DLAT: variants seen among roughly 807,000 people sequenced by gnomAD.
DLAT encodes the protein dihydrolipoamide S-acetyltransferase.
A neutral mutation model predicts 68.0 loss-of-function variants in DLAT; 43 were observed. The observed-to-expected ratio is 0.63, with a 90% confidence interval of 0.50 to 0.81. The LOEUF is 0.81. DLAT is among the 40% of genes least tolerant of loss of function. DLAT has a pLI of 0.00. For synonymous variants in DLAT, 265 were observed against 288.6 expected, an observed-to-expected ratio of 0.92 and a Z score of 0.83; for missense variants, 745 against 815.4, an observed-to-expected ratio of 0.91 and a Z score of 1.05.
intron 11 of DLAT, among the ~76,000 whole-genome samples, chr11:112,055,041 G>C (rs1555182339): frequency 6.6e-6 from 1 of 152,008 alleles, no homozygotes; most frequent in Non-Finnish European, 1.5e-5. Context: ...TTCCAAATAA[G>C]GTCACATTGA....
chr11:112,028,395 G>A, intron 2 of DLAT, 120 bp from the exon 3 acceptor site: 1 of 1,199,568 alleles, frequency 8.3e-7, no homozygotes, highest in Admixed American at 2.1e-5. Context: ...CTCCAGCCTT[G>A]GTGACAGAAT....
chr11:112,050,822 C>T (rs976435262), intron 10 of DLAT, among the ~76,000 whole-genome samples: 1 of 152,132 alleles, frequency 6.6e-6, no homozygotes, highest in Admixed American at 6.6e-5. Flanking sequence ...AAAATGATGA[C>T]ATAACATACT....
chr11:112,036,968 A>T, intron 5 of DLAT: 1 of 358,034 alleles, frequency 2.8e-6, no homozygotes, highest in Non-Finnish European at 5.1e-6. Flanking sequence ...GTAATCTTTC[A>T]TAGTTTTATT....
chr11:112,039,486 C>T (rs1310634652), intron 7 of DLAT, 89 bp downstream of exon 7: 30 of 1,314,076 alleles, frequency 2.3e-5, no homozygotes, highest in Middle Eastern at 4.7e-4. Flanking sequence ...TATGTATAGC[C>T]GTACTTATAA....
At chr11:112,026,092 G>A in intron 1 of DLAT, 106 bp from the exon 2 acceptor site, 1 of 947,054 alleles carries the variant, frequency 1.1e-6, no homozygotes, top group Non-Finnish European at 1.7e-6. Context: ...AATGTGCAAT[G>A]GAACTGTATA....
intron 13 of DLAT, 136 bp downstream of exon 13, chr11:112,061,310 A>C: frequency 1.2e-6 from 1 of 846,182 alleles, no homozygotes; most frequent in Admixed American, 1.9e-5. Flanking sequence ...CCCTGATATG[A>C]TATGATGTAA....
At chr11:112,056,243 G>T (rs1864066492) in intron 11 of DLAT, among the ~76,000 whole-genome samples, 1 of 151,962 alleles carries the variant, frequency 6.6e-6, no homozygotes, top group African/African-American at 2.4e-5. Flanking sequence ...ACAATTTCTT[G>T]ATTTTTGTTA....
chr11:112,030,368 G>T (rs1862327711), intron 4 of DLAT: 1 of 436,340 alleles, frequency 2.3e-6, no homozygotes. Flanking sequence ...CCACCACCAT[G>T]GCTCTGACCC....
rs1555180608 is a variant in DLAT at position 112,037,402 on chromosome 11, A to G, written c.917A>G (p.Tyr306Cys). 2.5e-6 allele frequency: 4 copies of G among 1,614,244 alleles called. No homozygotes were observed. Among genetic ancestry groups the G allele is most frequent in the African/African-American group, 1.3e-5 (1 of 75,052 alleles). ...KEADISAFAD[Y>C]RPTEVTDLKP... ...GCAGATATATCAGCATTTGCTGACT[A>G]TAGGCCAACCGAAGTAACAGATTTA... The change falls in exon 6 of 14, where the codon TAT (tyrosine) becomes TGT (cysteine). Residue 306 changes from tyrosine to cysteine, a missense_variant. Transcript: ENST00000280346.
At chr11:112,030,506 GTGA>G (rs1742888219) in intron 4 of DLAT, 1 of 245,978 alleles carries the variant, frequency 4.1e-6, no homozygotes, top group South Asian at 5.2e-5. Context: ...TTGACATGTG[GTGA>G]TCTATTTTCC....
intron 13 of DLAT, 132 bp downstream of exon 13, chr11:112,061,306 T>A (rs1864606494): frequency 1.1e-6 from 1 of 889,324 alleles, no homozygotes; most frequent in African/African-American, 1.7e-5. Flanking sequence ...AAGTCCCTGA[T>A]ATGATATGAT....
chr11:112,031,059 A>G (rs1555179916), intron 4 of DLAT, among the ~76,000 whole-genome samples: 2 of 152,180 alleles, frequency 1.3e-5, no homozygotes. Context: ...TGAATCTCTG[A>G]TAGTATTCTT....
At chr11:112,053,274 A>C (rs782002506) in intron 11 of DLAT, among the ~76,000 whole-genome samples, 15 of 151,994 alleles carry the variant, frequency 9.9e-5, no homozygotes, top group Non-Finnish European at 2.1e-4. Context: ...GTGAACTGAG[A>C]TTGTGCCATT....
At chr11:112,032,280 T>G (rs1445510847) in intron 4 of DLAT, among the ~76,000 whole-genome samples, 1 of 151,412 alleles carries the variant, frequency 6.6e-6, no homozygotes, top group South Asian at 2.1e-4. Context: ...AAAAAAAAAA[T>G]TATCAAATAA....
At position 112,039,489 on chromosome 11, in the gene DLAT, A is replaced by G. The variant is rs975266755; in HGVS notation, c.1129+92A>G. The G allele has an allele frequency of 1.0e-5, 13 of 1,306,062 alleles. No homozygotes were observed. The South Asian group carries it at 1.6e-4, about 16-fold the overall frequency. The allele number at this position is 1,306,062 out of a possible 1,614,324, so 80.9% of individuals were successfully genotyped here. ...TGCAAGTACAACTATGTATAGCCGT[A>G]CTTATAATTGGGATAGTAGGGACAA... On this transcript the variant is annotated intron_variant, in intron 7 of 13. Coordinates refer to ENST00000280346, the MANE Select transcript of DLAT (RefSeq NM_001931.5).
At chr11:112,040,526 T>A (rs1862997795) in intron 7 of DLAT, among the ~76,000 whole-genome samples, 1 of 152,184 alleles carries the variant, frequency 6.6e-6, no homozygotes, top group African/African-American at 2.4e-5. Context: ...AATATGCTTA[T>A]TTCCCCAATT....
At chr11:112,058,354 A>G (rs1243793721) in intron 11 of DLAT, among the ~76,000 whole-genome samples, 1 of 152,158 alleles carries the variant, frequency 6.6e-6, no homozygotes, top group Non-Finnish European at 1.5e-5. Context: ...TTATTAGAGC[A>G]GGTTCCTGTG....
intron 5 of DLAT, among the ~76,000 whole-genome samples, chr11:112,034,396 AT>A (rs1306854260): frequency 6.6e-6 from 1 of 151,758 alleles, no homozygotes; most frequent in Non-Finnish European, 1.5e-5. Flanking sequence ...TTCTTAATTC[AT>A]TTTTAGGCTA....
At chr11:112,042,939 G>C (rs1222176419) in intron 7 of DLAT, among the ~76,000 whole-genome samples, 1 of 152,140 alleles carries the variant, frequency 6.6e-6, no homozygotes, top group East Asian at 1.9e-4. Flanking sequence ...TGAAAAAATC[G>C]ACTTGATTTG....
Sources: gnomAD v4.1 joint callset for allele counts (sites outside exome capture counted in the v4.1 genomes callset) on GRCh38, gnomAD v4.1.1 for gene constraint, MANE v1.5 for transcripts, NCBI Gene and HGNC (gene_info 2026-07-23, HGNC 2026-07-21) for gene names.